Variants in FAT4 observed in about 807,000 individuals in gnomAD.
The protein encoded by FAT4 is FAT atypical cadherin 4.
FAT4 carries 84 observed loss-of-function variants against 303.9 expected under a neutral mutation model. The observed-to-expected ratio is 0.28, with a 90% CI of 0.23 to 0.33. The LOEUF (loss-of-function observed/expected upper bound fraction) is 0.33. Ranked by LOEUF, FAT4 falls within the 10% of genes least tolerant of loss-of-function variation. FAT4 has a pLI of 1.00. For synonymous variants in FAT4, 2,307 were observed against 2,298.8 expected (o/e 1.00, Z -0.10); for missense variants, 6,005 against 6,146.8 (o/e 0.98, Z 0.77).
At chr4:125,328,786 A>G (rs1731260983) in intron 2 of FAT4, among the ~76,000 whole-genome samples, 1 of 152,176 alleles carries the variant, frequency 6.6e-6, no homozygotes, top group Non-Finnish European at 1.5e-5. Flanking sequence ...GAGGTTGCTT[A>G]TGGAGTTGGT....
intron 10 of FAT4, among the ~76,000 whole-genome samples, chr4:125,456,283 G>C (rs989483077): frequency 6.6e-6 from 1 of 152,110 alleles, no homozygotes; most frequent in Non-Finnish European, 1.5e-5. Context: ...TCCAGGGCCA[G>C]AGCTGCCAAA....
intron 2 of FAT4, among the ~76,000 whole-genome samples, chr4:125,379,401 G>T (rs1733453114): frequency 6.6e-6 from 1 of 151,916 alleles, no homozygotes; most frequent in Non-Finnish European, 1.5e-5. Context: ...GGTTGCCTTG[G>T]AGAGTTTATA....
chr4:125,451,671 G>T lies in FAT4; in HGVS notation c.10661G>T (p.Gly3554Val), dbSNP rs1373550614. The change falls in exon 10 of 18, where the codon GGT becomes GTT. Residue 3554 changes from glycine (G) to valine (V), a missense_variant. By Grantham distance (109) the Gly-to-Val change is moderately radical. Transcript: ENST00000394329. Reference protein sequence around the residue: ...GPFTYYLLSTGPATSYFSLST... With the variant: ...GPFTYYLLSTVPATSYFSLST... ...TTTACTTATTACTTGCTGAGCACAG[G>T]TCCTGCCACCAGTTATTTCAGTCTG... 1 of 1,613,958 alleles carries T rather than the reference G, an allele frequency of 6.2e-7. No homozygotes were observed. The highest frequency in any genetic ancestry group is 8.5e-7 in the Non-Finnish European group (1 of 1,180,014).
intron 2 of FAT4, among the ~76,000 whole-genome samples, chr4:125,375,955 A>C (rs190221168): frequency 6.6e-6 from 1 of 152,348 alleles, no homozygotes; most frequent in African/African-American, 2.4e-5. Context: ...GAGGCTTATA[A>C]AAGGTCACAA....
In FAT4 at chr4:125,316,449, G is replaced by A; in HGVS notation, c.38G>A (p.Trp13Ter). ...CCAGACAGGGCTACTGGCCGCCCGT[G>A]GCTCCCGTTGCACACTCTATCAGTA... ...LAPDRATGRP[W>*]LPLHTLSVSQ... The change falls in exon 2 of 18, where the codon TGG becomes TAG. Residue 13 changes from tryptophan (W) to a stop codon, truncating the protein, a stop_gained. Transcript: ENST00000394329. LOFTEE classifies it high-confidence loss of function. The surrounding 1 kb of genome is among the most constrained non-coding windows in gnomAD (Gnocchi z 5.7). 6.2e-7 allele frequency: 1 copy of A among 1,613,424 alleles called. No homozygotes were observed. Among genetic ancestry groups the A allele is most frequent in the South Asian group, 1.1e-5 (1 of 91,058 alleles).
chr4:125,384,409 TA>T (rs1408585584), intron 2 of FAT4, among the ~76,000 whole-genome samples: 10 of 152,254 alleles, frequency 6.6e-5, no homozygotes, highest in Non-Finnish European at 1.2e-4. Flanking sequence ...CTCAAATGAC[TA>T]ATGAATTTAA....
intron 8 of FAT4, among the ~76,000 whole-genome samples, chr4:125,436,793 C>T (rs901045708): frequency 1.3e-5 from 2 of 152,052 alleles, no homozygotes; most frequent in African/African-American, 2.4e-5. Context: ...GAAGCTGCCC[C>T]CATGATTCAA....
At chr4:125,322,078 A>G (rs1730978902) in intron 2 of FAT4, among the ~76,000 whole-genome samples, 1 of 152,178 alleles carries the variant, frequency 6.6e-6, no homozygotes. Flanking sequence ...TAACTTTCAC[A>G]TCCTCAGCAG....
intron 2 of FAT4, among the ~76,000 whole-genome samples, chr4:125,324,457 T>C (rs1011284779): frequency 6.6e-6 from 1 of 152,162 alleles, no homozygotes. Flanking sequence ...TCAGAACATA[T>C]GTCTTTATAA....
intron 3 of FAT4, among the ~76,000 whole-genome samples, chr4:125,400,605 A>C (rs1302797192): frequency 6.6e-6 from 1 of 151,922 alleles, no homozygotes. Context: ...GTTTACCTTT[A>C]TGATGAGACT....
intron 8 of FAT4, among the ~76,000 whole-genome samples, chr4:125,435,426 A>G (rs1441187677): frequency 6.6e-6 from 1 of 152,246 alleles, no homozygotes. Context: ...AAAATTTGAG[A>G]CATTAAGAAT....
In FAT4 at chr4:125,491,613, G is replaced by C; in HGVS notation, c.14797G>C (p.Asp4933His). ...GCAGCAAGCAGGGACTTTCAACTGG[G>C]ACAACCTTTTGAACTGGGGCCCTGG... ...LGQQAGTFNW[D>H]NLLNWGPGFG... The change falls in exon 18 of 18, where the codon GAC (aspartate) becomes CAC (histidine). Residue 4933 changes from aspartate to histidine, a missense_variant. Asp to His is a moderately conservative substitution (Grantham distance 81). Coordinates refer to ENST00000394329, the MANE Select transcript of FAT4 (RefSeq NM_001291303.3). The C allele has an allele frequency of 6.2e-7, 1 of 1,614,156 alleles. No homozygotes were observed. The highest frequency in any genetic ancestry group is 1.1e-5 in the South Asian group (1 of 91,086).
chr4:125,481,689 A>G lies in FAT4; in HGVS notation c.12773A>G (p.Asn4258Ser). 2 of 1,614,058 alleles carry G rather than the reference A, an allele frequency of 1.2e-6. No individual in the cohort carries two copies. Among genetic ancestry groups the G allele is most frequent in the Non-Finnish European group, 1.7e-6 (2 of 1,179,934 alleles). ...LEVKFRTRSE[N>S]GVLIHIQESS... ...GTAAAATTTAGGACCAGAAGCGAGA[A>G]TGGCGTTTTAATCCATATCCAAGAA... is the stretch of plus-strand genomic sequence containing the variant. The change falls in exon 16 of 18, where the codon AAT (asparagine) becomes AGT (serine). Residue 4258 changes from asparagine (N) to serine (S), a missense_variant. Asn to Ser is a conservative substitution (Grantham distance 46). Coordinates refer to ENST00000394329, the MANE Select transcript of FAT4 (RefSeq NM_001291303.3).
rs111758803 is a variant in FAT4 at position 125,449,602 on chromosome 4, G to A, written c.8592G>A (p.Val2864=). The A allele has an allele frequency of 2.6e-3, 4,205 of 1,613,772 alleles. 101 individuals are homozygous for A. In the African/African-American group the frequency reaches 0.05, roughly 19 times the overall value. The change falls in exon 10 of 18, where the codon GTG becomes GTA. Residue 2864 remains valine, a synonymous_variant. Coordinates refer to ENST00000394329, the MANE Select transcript of FAT4 (RefSeq NM_001291303.3). ...TAAGTACAGATGTCACAATATTTGTGACAGACATCAATGACAATGCTCCAA... is the reference window on the plus strand; with the variant it reads ...TAAGTACAGATGTCACAATATTTGTAACAGACATCAATGACAATGCTCCAA... The part of the protein sequence containing the change: ...WTVSTDVTIF[V]TDINDNAPRF...
intron 2 of FAT4, among the ~76,000 whole-genome samples, chr4:125,369,653 A>G (rs1258882487): frequency 1.3e-5 from 2 of 152,170 alleles, no homozygotes; most frequent in East Asian, 1.9e-4. Context: ...AATATTTTTA[A>G]GTGTATTATT....
intron 2 of FAT4, among the ~76,000 whole-genome samples, chr4:125,367,534 G>A (rs1251859155): frequency 6.6e-6 from 1 of 152,062 alleles, no homozygotes; most frequent in Non-Finnish European, 1.5e-5. Context: ...AAGAACTGTG[G>A]AATATATGAA....
Position 125,454,376 on chromosome 4 carries a change from A to G in FAT4, c.11800+1566A>G, listed in dbSNP as rs554267589. 2.6e-5 allele frequency among the ~76,000 whole-genome samples: 4 copies of G among 152,344 alleles called. No individual in the cohort carries two copies. The East Asian group carries it at 7.7e-4, about 29-fold the overall frequency. On this transcript the variant is annotated intron_variant, in intron 10 of 17. Coordinates refer to ENST00000394329, the MANE Select transcript of FAT4 (RefSeq NM_001291303.3). ...GTAAATGAAGAAAAAGTGGCAGAAA[A>G]CATGTGTAATAGAAAAAGTGATAGA...
chr4:125,487,123 G>A, intron 16 of FAT4, among the ~76,000 whole-genome samples: 1 of 152,074 alleles, frequency 6.6e-6, no homozygotes, highest in East Asian at 1.9e-4. Flanking sequence ...GAGAAATTAG[G>A]TATACATATA....
chr4:125,452,876 AT>A (rs1726148757), intron 10 of FAT4, 66 bp downstream of exon 10: 4 of 1,486,736 alleles, frequency 2.7e-6, no homozygotes, highest in Admixed American at 4.5e-5. Flanking sequence ...AAACGAAATA[AT>A]TTTATCATTT....
Sources: gnomAD v4.1 joint callset for allele counts (sites outside exome capture counted in the v4.1 genomes callset) on GRCh38, gnomAD v4.1.1 for gene constraint, Gnocchi (gnomAD v3.1) non-coding constraint, MANE v1.5 for transcripts, NCBI Gene and HGNC (gene_info 2026-07-23, HGNC 2026-07-21) for gene names.